SNTB1: variants seen among roughly 807,000 people sequenced by gnomAD.
The protein encoded by SNTB1 is beta-1-syntrophin.
SNTB1 carries 36 observed loss-of-function variants against 48.9 expected under a neutral mutation model. That is an observed-to-expected ratio of 0.74 (90% CI 0.56 to 0.97). The LOEUF (loss-of-function observed/expected upper bound fraction) is 0.97, where lower values mean the gene tolerates loss of function less well. Among genes scored for constraint, SNTB1 ranks in the 50% least tolerant of loss-of-function variants. The pLI is 0.00. For missense variants in SNTB1, 786 were observed against 703.4 expected (o/e 1.12, Z -1.33); for synonymous variants, 299 against 294.6 (o/e 1.01, Z -0.15).
chr8:120,564,551 T>C (rs1442738449), intron 4 of SNTB1, among the ~76,000 whole-genome samples: 1 of 139,558 alleles, frequency 7.2e-6, no homozygotes, highest in African/African-American at 2.6e-5. Flanking sequence ...CTGCAATAGA[T>C]ACTATTATTC....
At chr8:120,785,214 G>A (rs1413220198) in intron 1 of SNTB1, among the ~76,000 whole-genome samples, 1 of 152,212 alleles carries the variant, frequency 6.6e-6, no homozygotes, top group African/African-American at 2.4e-5. Context: ...GAACCATTGA[G>A]AGAGCAGGAA....
At chr8:120,654,861 A>C in intron 2 of SNTB1, 1 of 406,070 alleles carries the variant, frequency 2.5e-6, no homozygotes, top group South Asian at 1.8e-5. Flanking sequence ...CAACCTGACA[A>C]CAAAAGTTTC....
intron 1 of SNTB1, among the ~76,000 whole-genome samples, chr8:120,734,145 A>G (rs1818898655): frequency 6.6e-6 from 1 of 152,188 alleles, no homozygotes; most frequent in Admixed American, 6.5e-5. Context: ...CCTGCCTGTC[A>G]CAAAGTTTTA....
chr8:120,778,132 G>A (rs1441389745), intron 1 of SNTB1, among the ~76,000 whole-genome samples: 2 of 152,198 alleles, frequency 1.3e-5, no homozygotes, highest in Non-Finnish European at 2.9e-5. Context: ...TACAACCCAG[G>A]TGGGTTCCAA....
At chr8:120,701,367 G>C (rs1183833992) in intron 1 of SNTB1, among the ~76,000 whole-genome samples, 1 of 152,076 alleles carries the variant, frequency 6.6e-6, no homozygotes, top group Admixed American at 6.5e-5. Flanking sequence ...TCCCTTGCCT[G>C]GATCTCATTT....
At chr8:120,589,190 C>T (rs925917158) in intron 3 of SNTB1, among the ~76,000 whole-genome samples, 3 of 152,150 alleles carry the variant, frequency 2.0e-5, no homozygotes, top group Admixed American at 6.5e-5. Flanking sequence ...GTAACTCATT[C>T]TGATACTGGA....
intron 3 of SNTB1, 50 bp downstream of exon 3, chr8:120,632,393 TG>T (rs1563836375): frequency 6.5e-7 from 1 of 1,528,262 alleles, no homozygotes. Context: ...TTATGAGCGC[TG>T]GGGGAATCTC....
intron 2 of SNTB1, among the ~76,000 whole-genome samples, chr8:120,688,972 T>G (rs1414845594): frequency 6.6e-6 from 1 of 152,092 alleles, no homozygotes; most frequent in Non-Finnish European, 1.5e-5. Flanking sequence ...GGACTAAGGA[T>G]GTGGGCCTGG....
chr8:120,722,808 G>A (rs1439073190), intron 1 of SNTB1, among the ~76,000 whole-genome samples: 3 of 152,096 alleles, frequency 2.0e-5, no homozygotes, highest in Non-Finnish European at 4.4e-5. Flanking sequence ...TAGACATGAA[G>A]TCCTTGCCCA....
chr8:120,682,858 C>T (rs1333498859), intron 2 of SNTB1, among the ~76,000 whole-genome samples: 1 of 149,658 alleles, frequency 6.7e-6, no homozygotes, highest in African/African-American at 2.5e-5. Context: ...AGATAATACT[C>T]ATAGTTTTTT....
At chr8:120,578,934 T>C (rs1815993779) in intron 3 of SNTB1, among the ~76,000 whole-genome samples, 1 of 152,148 alleles carries the variant, frequency 6.6e-6, no homozygotes, top group Non-Finnish European at 1.5e-5. Flanking sequence ...CCCAGCACTT[T>C]GGGAGGCCGA....
intron 4 of SNTB1, among the ~76,000 whole-genome samples, chr8:120,557,444 G>A (rs1326883949): frequency 1.3e-5 from 2 of 152,198 alleles, no homozygotes; most frequent in African/African-American, 4.8e-5. Context: ...GCCAACAGAG[G>A]TTCTTGGGTG....
intron 4 of SNTB1, among the ~76,000 whole-genome samples, chr8:120,558,260 A>G (rs1461911560): frequency 2.6e-5 from 4 of 152,190 alleles, no homozygotes; most frequent in Non-Finnish European, 2.9e-5. Flanking sequence ...TCTGTCTCTT[A>G]TATGTGGCAA....
chr8:120,764,964 G>A (rs532531626), intron 1 of SNTB1, among the ~76,000 whole-genome samples: 2 of 152,266 alleles, frequency 1.3e-5, no homozygotes, highest in East Asian at 3.9e-4. Context: ...AGTGGCTCAT[G>A]CCTGTAATCC....
intron 1 of SNTB1, among the ~76,000 whole-genome samples, chr8:120,750,271 A>G (rs540121052): frequency 1.3e-5 from 2 of 152,078 alleles, no homozygotes; most frequent in Non-Finnish European, 2.9e-5. Context: ...TGGTGATAGC[A>G]AAAGCTCAAC....
chr8:120,638,191 C>G (rs1373746786), intron 2 of SNTB1: 1 of 152,082 alleles, frequency 6.6e-6, no homozygotes, highest in African/African-American at 2.4e-5. Context: ...CCAGACATCC[C>G]TTTTATCAAT....
intron 3 of SNTB1, among the ~76,000 whole-genome samples, chr8:120,595,150 G>C (rs1336194826): frequency 6.6e-6 from 1 of 152,176 alleles, no homozygotes; most frequent in Non-Finnish European, 1.5e-5. Flanking sequence ...ACTTGTCAGA[G>C]CTGTTTGAAC....
intron 2 of SNTB1, among the ~76,000 whole-genome samples, chr8:120,672,709 A>C: frequency 6.6e-6 from 1 of 152,198 alleles, no homozygotes; most frequent in East Asian, 1.9e-4. Flanking sequence ...CAATCCATTC[A>C]GTGTAATATT....
intron 2 of SNTB1, among the ~76,000 whole-genome samples, chr8:120,672,906 C>A (rs1817779808): frequency 6.6e-6 from 1 of 152,160 alleles, no homozygotes; most frequent in Admixed American, 6.5e-5. Flanking sequence ...ATAGGAGGCA[C>A]TGAAGGAGAC....
Sources: allele counts gnomAD v4.1 joint callset (sites outside exome capture counted in the v4.1 genomes callset), GRCh38; gene constraint gnomAD v4.1.1; transcripts MANE v1.5; gene names NCBI Gene and HGNC (gene_info 2026-07-23, HGNC 2026-07-21).